NLK: variants seen among roughly 807,000 people sequenced by gnomAD.
NLK encodes the protein serine/threonine-protein kinase NLK.
In NLK, 11 loss-of-function variants were observed where a neutral mutation model predicts 59.0. The observed-to-expected ratio is 0.19, with a 90% CI of 0.12 to 0.31. NLK has a LOEUF of 0.31. Among genes scored for constraint, NLK ranks in the 10% least tolerant of loss-of-function variants. The pLI is 1.00. For missense variants in NLK, 410 were observed against 661.1 expected (o/e 0.62, Z 4.16); for synonymous variants, 235 against 235.9 (o/e 1.00, Z 0.03).
intron 1 of NLK, among the ~76,000 whole-genome samples, chr17:28,067,157 A>G (rs766227406): frequency 6.6e-6 from 1 of 152,224 alleles, no homozygotes; most frequent in Non-Finnish European, 1.5e-5. Context: ...TGTTAAATCT[A>G]GAAACTCTTT....
intron 1 of NLK, among the ~76,000 whole-genome samples, chr17:28,107,340 C>T (rs1905226499): frequency 6.6e-6 from 1 of 151,828 alleles, no homozygotes; most frequent in South Asian, 2.1e-4. Flanking sequence ...GAGGCTGAGG[C>T]AGGAGAATCG....
At chr17:28,161,778 A>G (rs1410817734) in intron 4 of NLK, among the ~76,000 whole-genome samples, 1 of 152,202 alleles carries the variant, frequency 6.6e-6, no homozygotes, top group Non-Finnish European at 1.5e-5. Flanking sequence ...GCTAAATTCT[A>G]GACAGCTCAT....
intron 1 of NLK, among the ~76,000 whole-genome samples, chr17:28,114,938 C>CT (rs1383458529): frequency 6.6e-6 from 1 of 152,112 alleles, no homozygotes; most frequent in African/African-American, 2.4e-5. Context: ...GAAGAAAACA[C>CT]TAAGATATCA....
intron 1 of NLK, among the ~76,000 whole-genome samples, chr17:28,115,376 G>T (rs1477143957): frequency 6.6e-6 from 1 of 152,210 alleles, no homozygotes; most frequent in Non-Finnish European, 1.5e-5. Context: ...TGGGTTTGAA[G>T]CTGAGAGACA....
chr17:28,107,679 A>G (rs1380094063), intron 1 of NLK, among the ~76,000 whole-genome samples: 1 of 152,214 alleles, frequency 6.6e-6, no homozygotes, highest in African/African-American at 2.4e-5. Flanking sequence ...GAGATTTAGT[A>G]TAGAAATTCA....
chr17:28,184,798 T>C (rs961398502), intron 7 of NLK, among the ~76,000 whole-genome samples: 1 of 151,868 alleles, frequency 6.6e-6, no homozygotes, highest in African/African-American at 2.4e-5. Flanking sequence ...AAATACAAAA[T>C]TACCCAAGCG....
chr17:28,162,374 T>C (rs1015964448), intron 4 of NLK, among the ~76,000 whole-genome samples: 5 of 152,068 alleles, frequency 3.3e-5, no homozygotes, highest in African/African-American at 1.2e-4. Context: ...GATTCATGCC[T>C]GTAATCCCAG....
intron 1 of NLK, among the ~76,000 whole-genome samples, chr17:28,044,938 A>C (rs1348140198): frequency 6.6e-6 from 1 of 152,228 alleles, no homozygotes; most frequent in Admixed American, 6.5e-5. Context: ...TATATTCAAA[A>C]GGCATTTTTC....
intron 3 of NLK, among the ~76,000 whole-genome samples, chr17:28,155,778 CG>C (rs1907680802): frequency 2.3e-5 from 3 of 128,428 alleles, no homozygotes; most frequent in African/African-American, 9.0e-5. Flanking sequence ...CAGGGCCTGT[CG>C]GGGGGTGGAG....
chr17:28,092,272 T>A (rs1181822698), intron 1 of NLK, among the ~76,000 whole-genome samples: 3 of 86,036 alleles, frequency 3.5e-5, no homozygotes, highest in African/African-American at 8.7e-5. Flanking sequence ...GGCGGGGGGG[T>A]GGGGGGAGAA....
At position 28,043,204 on chromosome 17, in the gene NLK, G is replaced by A; in HGVS notation, c.331G>A (p.Ala111Thr). 6.2e-7 allele frequency: 1 copy of A among 1,613,988 alleles called. No individual in the cohort carries two copies. The highest frequency in any genetic ancestry group is 8.5e-7 in the Non-Finnish European group (1 of 1,179,888). ...QAPGPAAAAPAQVQAAAAATV... is the reference protein window; with the variant it reads ...QAPGPAAAAPTQVQAAAAATV... ...TCCTGGACCAGCTGCAGCAGCCCCA[G>A]CTCAGGTACAGGCTGCCGCAGCTGC... The change falls in exon 1 of 11, where the codon GCT (alanine) becomes ACT (threonine). Residue 111 changes from alanine to threonine, a missense_variant. Around this residue, in one of 5 missense-constraint regions of NLK, gnomAD observed 160 missense variants for 171.0 expected, o/e 0.94. Coordinates refer to ENST00000407008, the MANE Select transcript of NLK (RefSeq NM_016231.5).
At chr17:28,061,546 G>A (rs1035540001) in intron 1 of NLK, among the ~76,000 whole-genome samples, 3 of 152,040 alleles carry the variant, frequency 2.0e-5, no homozygotes, top group South Asian at 2.1e-4. Flanking sequence ...CACAGAATAC[G>A]AAAGTGGCTA....
rs116162474 is a variant in NLK at position 28,059,096 on chromosome 17, A to G, written c.458+15765A>G. ...AGCTGAGATTGTGCCACTGTACTCT[A>G]GCTTGGTCAACAGAGCCAGATCCTG... On this transcript the variant is annotated intron_variant, in intron 1 of 10. Coordinates refer to ENST00000407008, the MANE Select transcript of NLK (RefSeq NM_016231.5). 6.5e-3 allele frequency among the ~76,000 whole-genome samples: 995 copies of G among 152,216 alleles called. 16 individuals are homozygous for G. The highest frequency in any genetic ancestry group is 0.022 in the African/African-American group (929 of 41,528).
intron 7 of NLK, among the ~76,000 whole-genome samples, chr17:28,176,475 C>G (rs1908685467): frequency 6.6e-6 from 1 of 152,142 alleles, no homozygotes; most frequent in Admixed American, 6.5e-5. Flanking sequence ...TAAATTCTCA[C>G]AATAACACTA....
intron 3 of NLK, among the ~76,000 whole-genome samples, chr17:28,151,610 A>C (rs1355568089): frequency 6.6e-6 from 1 of 152,198 alleles, no homozygotes; most frequent in African/African-American, 2.4e-5. Flanking sequence ...ATTTCTGCAC[A>C]AGGGTAAATG....
At position 28,122,732 on chromosome 17, in the gene NLK, T is replaced by C; in HGVS notation, c.588T>C (p.Asn196=). Residue 196 remains asparagine, a splice_region_variant and synonymous_variant, in exon 2 of 11, where the codon AAT becomes AAC. Coordinates refer to ENST00000407008, the MANE Select transcript of NLK (RefSeq NM_016231.5). ...LKMLCFFKHD[N]VLSALDILQP... is the part of the protein sequence containing the mutation. Reference sequence around the variant, plus strand: ...TGTTGTGTTTTTTTAAGCATGATAATGTAAGTGAAATTGGTATTTGGGGGA... The same window carrying C: ...TGTTGTGTTTTTTTAAGCATGATAACGTAAGTGAAATTGGTATTTGGGGGA... 1.9e-6 allele frequency: 3 copies of C among 1,613,718 alleles called. No individual in the cohort carries two copies. The highest frequency in any genetic ancestry group is 4.5e-5 in the East Asian group (2 of 44,870).
intron 1 of NLK, among the ~76,000 whole-genome samples, chr17:28,065,836 T>C (rs1909806195): frequency 6.6e-6 from 1 of 152,204 alleles, no homozygotes; most frequent in Non-Finnish European, 1.5e-5. Context: ...CAGTGTTCTC[T>C]AGCAAGTCTT....
chr17:28,178,615 C>T (rs566892796), intron 7 of NLK, among the ~76,000 whole-genome samples: 1 of 152,234 alleles, frequency 6.6e-6, no homozygotes, highest in South Asian at 2.1e-4. Flanking sequence ...TCAGTTTGTT[C>T]CCACCTAATT....
chr17:28,105,139 T>G (rs968820355), intron 1 of NLK, among the ~76,000 whole-genome samples: 1 of 152,220 alleles, frequency 6.6e-6, no homozygotes, highest in African/African-American at 2.4e-5. Flanking sequence ...TGTCTCTGAT[T>G]ACTACCTTGA....
Sources: gnomAD v4.1 joint callset for allele counts (sites outside exome capture counted in the v4.1 genomes callset) on GRCh38, gnomAD v4.1.1 for gene constraint, gnomAD v4.1.1 regional missense constraint, MANE v1.5 for transcripts, NCBI Gene and HGNC (gene_info 2026-07-23, HGNC 2026-07-21) for gene names.